PSTPIP2: variants seen among roughly 807,000 people sequenced by gnomAD.
The protein encoded by PSTPIP2 is proline-serine-threonine phosphatase interacting protein 2, also known as proline-serine-threonine phosphatase-interacting protein 2.
PSTPIP2 carries 33 observed loss-of-function variants against 63.3 expected under a neutral mutation model. The ratio of observed to expected loss-of-function variants is 0.52; its 90% CI spans 0.40 to 0.70. The LOEUF is 0.70. Ranked by LOEUF, PSTPIP2 falls within the 30% of genes least tolerant of loss-of-function variation. PSTPIP2 has a pLI of 0.00. For synonymous variants in PSTPIP2, 125 were observed against 132.7 expected (o/e 0.94, Z 0.40); for missense variants, 312 against 400.7 (o/e 0.78, Z 1.89).
At chr18:45,996,901 G>A (rs1030322258) in intron 9 of PSTPIP2, among the ~76,000 whole-genome samples, 7 of 152,128 alleles carry the variant, frequency 4.6e-5, no homozygotes, top group Non-Finnish European at 1.5e-5. Context: ...CAGCCTGGGC[G>A]ACAGAGTGAG....
rs1001870173 is a variant in PSTPIP2 at position 45,990,643 on chromosome 18, T to C, written c.955+79A>G. ...CAGGGTTTCACCATGTTGACCAGGC[T>C]GGTCTCAAACTCCTGACCTCAAGTG... is the stretch of plus-strand genomic sequence containing the variant. On this transcript the variant is annotated intron_variant, in intron 13 of 14. Coordinates refer to ENST00000409746, the MANE Select transcript of PSTPIP2 (RefSeq NM_024430.4). 73 of 1,245,900 alleles carry C rather than the reference T, an allele frequency of 5.9e-5. 1 individual carries two copies. The highest frequency in any genetic ancestry group is 7.9e-5 in the Non-Finnish European group (68 of 864,474). The allele number at this position is 1,245,900 out of a possible 1,614,324, so 77.2% of individuals were successfully genotyped here. A position where few individuals can be genotyped will look rare whatever the true frequency, so the allele number is the denominator to read the frequency against.
chr18:46,068,475 T>C (rs1475830070), intron 1 of PSTPIP2, among the ~76,000 whole-genome samples: 1 of 152,088 alleles, frequency 6.6e-6, no homozygotes, highest in African/African-American at 2.4e-5. Flanking sequence ...TTTTTTTGTA[T>C]TTTTAGTAGA....
intron 9 of PSTPIP2, among the ~76,000 whole-genome samples, chr18:45,996,060 C>T (rs1242977347): frequency 6.6e-6 from 1 of 152,176 alleles, no homozygotes; most frequent in Non-Finnish European, 1.5e-5. Flanking sequence ...AGGTGATCTG[C>T]CTGCCTTGGC....
At chr18:46,054,072 C>T (rs1212660735) in intron 1 of PSTPIP2, among the ~76,000 whole-genome samples, 6 of 152,166 alleles carry the variant, frequency 3.9e-5, no homozygotes, top group Admixed American at 3.3e-4. Flanking sequence ...TACGGCATGT[C>T]ACTGTGTTGA....
At chr18:46,061,710 C>A (rs1049127204) in intron 1 of PSTPIP2, among the ~76,000 whole-genome samples, 1 of 152,212 alleles carries the variant, frequency 6.6e-6, no homozygotes, top group Non-Finnish European at 1.5e-5. Context: ...TGCGGAAGTG[C>A]TGACAAAGGC....
At chr18:46,041,192 C>T in intron 1 of PSTPIP2, 1 of 395,392 alleles carries the variant, frequency 2.5e-6, no homozygotes, top group Non-Finnish European at 5.0e-6. Flanking sequence ...ATGAAACATG[C>T]TCTCCGTGGT....
In PSTPIP2 at chr18:46,005,538, A is replaced by C; in HGVS notation, c.355-7T>G. On this transcript the variant is annotated splice_region_variant and splice_polypyrimidine_tract_variant and intron_variant, in intron 5 of 14. Transcript: ENST00000409746. ...CATCCATTATGAGCTCTGTCTGTAA[A>C]GAGATCATAAACACTCTTAATAAAA... 2.5e-6 allele frequency: 4 copies of C among 1,571,102 alleles called. No homozygotes were observed. Among genetic ancestry groups the C allele is most frequent in the Non-Finnish European group, 3.5e-6 (4 of 1,148,676 alleles).
At chr18:46,028,485 C>G in intron 2 of PSTPIP2, 1 of 626,038 alleles carries the variant, frequency 1.6e-6, no homozygotes. Context: ...CCTGGAGGAG[C>G]TGGTCTTCGG....
intron 3 of PSTPIP2, among the ~76,000 whole-genome samples, chr18:46,019,672 G>A (rs111681431): frequency 1.6e-4 from 24 of 152,124 alleles, no homozygotes; most frequent in Admixed American, 3.9e-4. Flanking sequence ...GTGGTGGCAC[G>A]TGCCGGTAAT....
chr18:46,054,890 C>G (rs1477337055), intron 1 of PSTPIP2, among the ~76,000 whole-genome samples: 1 of 152,026 alleles, frequency 6.6e-6, no homozygotes, highest in Non-Finnish European at 1.5e-5. Flanking sequence ...AACTCCTGAC[C>G]TCGTTATCCA....
At chr18:46,040,144 A>C in intron 1 of PSTPIP2, 97 bp from the exon 2 acceptor site, 1 of 996,848 alleles carries the variant, frequency 1.0e-6, no homozygotes, top group East Asian at 2.6e-5. Flanking sequence ...CTGGCCACGG[A>C]ACGTTGCTGA....
At chr18:46,022,148 G>A (rs1408738284) in intron 3 of PSTPIP2, among the ~76,000 whole-genome samples, 3 of 151,858 alleles carry the variant, frequency 2.0e-5, no homozygotes, top group Non-Finnish European at 4.4e-5. Context: ...AATCTTCTTT[G>A]TACTAATTTC....
chr18:46,052,187 A>G (rs1469911509), intron 1 of PSTPIP2, among the ~76,000 whole-genome samples: 1 of 152,216 alleles, frequency 6.6e-6, no homozygotes, highest in Non-Finnish European at 1.5e-5. Context: ...CAAATATAGA[A>G]CTAGGAGCTA....
intron 1 of PSTPIP2, among the ~76,000 whole-genome samples, chr18:46,051,969 C>T (rs1908597185): frequency 6.6e-6 from 1 of 152,210 alleles, no homozygotes; most frequent in South Asian, 2.1e-4. Flanking sequence ...CACGGGTCTC[C>T]TCCTGATCCA....
At chr18:46,035,592 C>A (rs920577728) in intron 2 of PSTPIP2, among the ~76,000 whole-genome samples, 2 of 151,902 alleles carry the variant, frequency 1.3e-5, no homozygotes, top group Admixed American at 6.6e-5. Context: ...GCGTGCTCAC[C>A]AATAAACCCA....
chr18:46,059,185 C>A (rs1051969144), intron 1 of PSTPIP2, among the ~76,000 whole-genome samples: 2 of 151,736 alleles, frequency 1.3e-5, no homozygotes, highest in Non-Finnish European at 2.9e-5. Context: ...TACAGGCACG[C>A]ACGACCATGC....
intron 14 of PSTPIP2, among the ~76,000 whole-genome samples, chr18:45,987,084 C>T (rs1465231842): frequency 1.3e-5 from 2 of 152,204 alleles, no homozygotes; most frequent in Non-Finnish European, 2.9e-5. Flanking sequence ...AGTGATCCAC[C>T]TGCCTCAGCC....
intron 2 of PSTPIP2, among the ~76,000 whole-genome samples, chr18:46,036,899 G>C (rs987331524): frequency 7.2e-5 from 11 of 152,104 alleles, no homozygotes; most frequent in African/African-American, 2.4e-4. Context: ...CTTCTGGAAA[G>C]TCTTAAAAGC....
intron 2 of PSTPIP2, among the ~76,000 whole-genome samples, chr18:46,026,169 T>C (rs1286365455): frequency 6.6e-6 from 1 of 152,212 alleles, no homozygotes; most frequent in African/African-American, 2.4e-5. Context: ...GTCTTCTCAA[T>C]TTCTACTTCC....
Sources: allele counts gnomAD v4.1 joint callset (sites outside exome capture counted in the v4.1 genomes callset), GRCh38; gene constraint gnomAD v4.1.1; transcripts MANE v1.5; gene names NCBI Gene and HGNC (gene_info 2026-07-23, HGNC 2026-07-21).